RPF1: variants seen among roughly 807,000 people sequenced by gnomAD.
RPF1 encodes the protein ribosome production factor 1 homolog.
A neutral mutation model predicts 41.9 loss-of-function variants in RPF1; 34 were observed. The ratio of observed to expected loss-of-function variants is 0.81; its 90% confidence interval spans 0.62 to 1.08. The LOEUF (loss-of-function observed/expected upper bound fraction) is 1.08, where lower values mean the gene tolerates loss of function less well. RPF1 is among the 50% of genes least tolerant of loss of function. The pLI, the probability that RPF1 is intolerant of heterozygous loss-of-function variation, is 0.00. For missense variants in RPF1, 425 were observed against 435.2 expected, an observed-to-expected ratio of 0.98 and a Z score of 0.21; for synonymous variants, 140 against 148.9, an observed-to-expected ratio of 0.94 and a Z score of 0.43.
At chr1:84,495,036 C>T (rs1681906463) in intron 5 of RPF1, among the ~76,000 whole-genome samples, 1 of 152,094 alleles carries the variant, frequency 6.6e-6, no homozygotes, top group Non-Finnish European at 1.5e-5. Flanking sequence ...TATAGAATCA[C>T]ATCCTATTTT....
At chr1:84,492,549 A>C (rs1681853502) in intron 5 of RPF1, among the ~76,000 whole-genome samples, 1 of 152,214 alleles carries the variant, frequency 6.6e-6, no homozygotes, top group Non-Finnish European at 1.5e-5. Flanking sequence ...TGTGGGAAAT[A>C]ATACCTATCT....
Position 84,495,410 on chromosome 1 carries a change from T to C in RPF1, c.654T>C (p.Thr218=). 6.5e-7 allele frequency: 1 copy of C among 1,544,444 alleles called. No homozygotes were observed. The highest frequency in any genetic ancestry group is 1.2e-5 in the South Asian group (1 of 85,228). ...TGAGTCACTTGCCAAATGGCCCAAC[T>C]GCTCATTTTAAAATGAGCAGTGTTC... ...LILSHLPNGP[T]AHFKMSSVRL... The change falls in exon 6 of 9, where the codon ACT becomes ACC. Residue 218 remains threonine (T), a synonymous_variant. Transcript: ENST00000370654.
Position 84,479,314 on chromosome 1 carries a change from C to G in RPF1, c.33C>G (p.Ser11Arg). Reference protein sequence around the residue: MAKAGDKSSSSGKKSLKRKAA... With the variant: MAKAGDKSSSRGKKSLKRKAA... Reference sequence around the variant, plus strand: ...AAGCCGGGGATAAGAGCAGCAGCAGCGGGAAGAAAAGTCTAAAACGGAAAG... The same window carrying G: ...AAGCCGGGGATAAGAGCAGCAGCAGGGGGAAGAAAAGTCTAAAACGGAAAG... The change falls in exon 1 of 9, where the codon AGC becomes AGG. Residue 11 changes from serine (S) to arginine (R), a missense_variant. Coordinates refer to ENST00000370654, the MANE Select transcript of RPF1 (RefSeq NM_025065.7). 6.2e-7 allele frequency: 1 copy of G among 1,608,488 alleles called. No individual in the cohort carries two copies. Among genetic ancestry groups the G allele is most frequent in the Non-Finnish European group, 8.5e-7 (1 of 1,177,278 alleles).
At chr1:84,480,018 A>G (rs1181320083) in intron 1 of RPF1, among the ~76,000 whole-genome samples, 1 of 152,184 alleles carries the variant, frequency 6.6e-6, no homozygotes, top group Non-Finnish European at 1.5e-5. Context: ...TGGTAGGTAA[A>G]CAAACTGAAA....
intron 8 of RPF1, among the ~76,000 whole-genome samples, chr1:84,497,036 A>C (rs1206100673): frequency 6.6e-6 from 1 of 151,524 alleles, no homozygotes; most frequent in Non-Finnish European, 1.5e-5. Flanking sequence ...CACACCGGCT[A>C]ATCTTTTCTA....
chr1:84,491,523 T>C (rs904580164), intron 5 of RPF1, among the ~76,000 whole-genome samples: 2 of 152,230 alleles, frequency 1.3e-5, no homozygotes, highest in African/African-American at 4.8e-5. Context: ...TATAACAAGC[T>C]TTGTAATGTG....
At chr1:84,488,432 A>G (rs972549517) in intron 3 of RPF1, among the ~76,000 whole-genome samples, 2 of 152,100 alleles carry the variant, frequency 1.3e-5, no homozygotes, top group African/African-American at 2.4e-5. Flanking sequence ...TTGAATAGTG[A>G]TGTTCTAACC....
At chr1:84,486,880 G>A (rs1044856963) in intron 3 of RPF1, among the ~76,000 whole-genome samples, 1 of 152,096 alleles carries the variant, frequency 6.6e-6, no homozygotes, top group African/African-American at 2.4e-5. Context: ...GATAAATAGA[G>A]GATTCAGAGA....
At position 84,489,739 on chromosome 1, in the gene RPF1, T is replaced by G; in HGVS notation, c.462+11T>G. On this transcript the variant is annotated intron_variant, in intron 4 of 8. Transcript: ENST00000370654. Reference sequence around the variant, plus strand: ...GATAGACCTCATGGGGTAAACACATTGATTAATTTAGTTCTTGAATTCTTA... The same window carrying G: ...GATAGACCTCATGGGGTAAACACATGGATTAATTTAGTTCTTGAATTCTTA... The G allele has an allele frequency of 1.4e-6, 2 of 1,415,958 alleles. No individual in the cohort carries two copies. Among genetic ancestry groups the G allele is most frequent in the South Asian group, 1.1e-5 (1 of 86,994 alleles). 87.7% of individuals were successfully genotyped at this position (1,415,958 alleles called of 1,614,324 possible). A position where few individuals can be genotyped will look rare whatever the true frequency, so the allele number is the denominator to read the frequency against.
chr1:84,489,612 A>T, intron 3 of RPF1, 21 bp from the exon 4 acceptor site: 1 of 1,392,060 alleles, frequency 7.2e-7, no homozygotes, highest in Non-Finnish European at 1.0e-6. Context: ...ATGTAAAATT[A>T]TTCCTCTTCT....
chr1:84,492,687 T>G (rs147748629), intron 5 of RPF1, among the ~76,000 whole-genome samples: 1,692 of 152,298 alleles, frequency 0.011, 11 homozygotes, highest in Non-Finnish European at 0.017. Context: ...CAGACCTACA[T>G]CCTCTATTCA....
At chr1:84,493,772 A>T (rs1681880608) in intron 5 of RPF1, among the ~76,000 whole-genome samples, 1 of 152,210 alleles carries the variant, frequency 6.6e-6, no homozygotes, top group Admixed American at 6.5e-5. Flanking sequence ...ATAGATGAGT[A>T]AAACGTTGCA....
intron 1 of RPF1, 47 bp downstream of exon 1, chr1:84,479,556 CGCTTAGG>C (rs754103650): frequency 6.4e-7 from 1 of 1,564,418 alleles, no homozygotes; most frequent in South Asian, 1.1e-5. Flanking sequence ...TTGTTCCTGA[CGCTTAGG>C]GCGGTCGCGG....
At chr1:84,481,481 C>A (rs1681645331) in intron 2 of RPF1, among the ~76,000 whole-genome samples, 1 of 152,152 alleles carries the variant, frequency 6.6e-6, no homozygotes, top group African/African-American at 2.4e-5. Flanking sequence ...TGGGGAAAGG[C>A]AGGACAGATC....
chr1:84,487,956 C>T (rs1401164082), intron 3 of RPF1, among the ~76,000 whole-genome samples: 3 of 152,026 alleles, frequency 2.0e-5, no homozygotes, highest in Non-Finnish European at 4.4e-5. Flanking sequence ...CAGCCTTTCC[C>T]CACAATGAAT....
intron 2 of RPF1, 119 bp downstream of exon 2, chr1:84,481,131 T>TA (rs1357323474): frequency 1.7e-6 from 1 of 584,794 alleles, no homozygotes; most frequent in African/African-American, 1.9e-5. Context: ...TATGAAGAAA[T>TA]ACAAAAGTAA....
intron 8 of RPF1, among the ~76,000 whole-genome samples, chr1:84,497,082 G>C (rs1681954037): frequency 1.3e-5 from 2 of 151,882 alleles, no homozygotes; most frequent in African/African-American, 4.8e-5. Flanking sequence ...GTGTTAGCCA[G>C]GATGGTCTTG....
At chr1:84,494,051 G>A (rs7524576) in intron 5 of RPF1, among the ~76,000 whole-genome samples, 29,190 of 152,106 alleles carry the variant, frequency 0.19, 4,336 homozygotes, top group African/African-American at 0.41. Flanking sequence ...GAGAAACTAT[G>A]GTACAGATAT....
At chr1:84,487,717 C>T (rs971041871) in intron 3 of RPF1, among the ~76,000 whole-genome samples, 11 of 152,136 alleles carry the variant, frequency 7.2e-5, no homozygotes, top group African/African-American at 2.6e-4. Context: ...AGTTGCCTCT[C>T]GTATTTATTT....
Sources: allele counts gnomAD v4.1 joint callset (sites outside exome capture counted in the v4.1 genomes callset), GRCh38; gene constraint gnomAD v4.1.1; transcripts MANE v1.5; gene names NCBI Gene and HGNC (gene_info 2026-07-23, HGNC 2026-07-21).